PASD1: variants seen among roughly 807,000 people sequenced by gnomAD.
The protein encoded by PASD1 is PAS domain containing repressor 1.
PASD1 carries 13 observed loss-of-function variants against 58.8 expected under a neutral mutation model. That is an observed-to-expected ratio of 0.22 (90% CI 0.14 to 0.35). PASD1 has a LOEUF of 0.35. Among genes scored for constraint, PASD1 ranks in the 10% least tolerant of loss-of-function variants. PASD1 has a pLI of 1.00. For missense variants in PASD1, 734 were observed against 568.3 expected (o/e 1.29, Z -2.96); for synonymous variants, 236 against 216.7 (o/e 1.09, Z -0.78).
chrX:151,569,680 G>A lies in PASD1; in HGVS notation c.-28+5841G>A, dbSNP rs770579797. On this transcript the variant is annotated intron_variant, in intron 1 of 15. Transcript: ENST00000370357. ...AGCTGGCAGCCAGGGCATTTGCAGAGCTTCACGTTAATGGGCAAGTGTCTT... is the reference window on the plus strand; with the variant it reads ...AGCTGGCAGCCAGGGCATTTGCAGAACTTCACGTTAATGGGCAAGTGTCTT... Among the ~76,000 whole-genome samples, 5 of 111,293 alleles carry A rather than the reference G, an allele frequency of 4.5e-5. No individual in the cohort carries two copies. The South Asian group carries it at 1.9e-3, about 43-fold the overall frequency.
At chrX:151,640,387 C>A (rs2013982568) in intron 8 of PASD1, among the ~76,000 whole-genome samples, 1 of 111,370 alleles carries the variant, frequency 9.0e-6, no homozygotes. Flanking sequence ...ATAATGGATC[C>A]AAATATGAAA....
chrX:151,587,061 A>G (rs979468861), intron 1 of PASD1, among the ~76,000 whole-genome samples: 1 of 111,802 alleles, frequency 8.9e-6, no homozygotes, highest in African/African-American at 3.3e-5. Flanking sequence ...AGAAACTTGA[A>G]ATATTCTGCC....
intron 11 of PASD1, among the ~76,000 whole-genome samples, chrX:151,668,935 A>G (rs1474362451): frequency 1.0e-5 from 1 of 99,808 alleles, no homozygotes; most frequent in African/African-American, 3.7e-5. Flanking sequence ...TTTTTCAGAG[A>G]TGGGGTTTTT....
At chrX:151,621,634 T>C in intron 6 of PASD1, 42 bp downstream of exon 6, 1 of 914,538 alleles carries the variant, frequency 1.1e-6, no homozygotes, top group Non-Finnish European at 1.5e-6. Context: ...CATTTATGAG[T>C]CATGTAGCCT....
chrX:151,662,572 T>C (rs971729234), intron 10 of PASD1, among the ~76,000 whole-genome samples: 1 of 111,393 alleles, frequency 9.0e-6, no homozygotes. Flanking sequence ...TGTCTATTCA[T>C]ACTAACCCAT....
intron 10 of PASD1, among the ~76,000 whole-genome samples, chrX:151,662,009 T>C (rs1161628456): frequency 2.7e-5 from 3 of 112,531 alleles, no homozygotes; most frequent in African/African-American, 9.7e-5. Context: ...TTTGTACTTA[T>C]CAAATATTTG....
intron 1 of PASD1, among the ~76,000 whole-genome samples, chrX:151,596,469 G>C (rs1310751965): frequency 8.9e-6 from 1 of 112,229 alleles, no homozygotes; most frequent in Non-Finnish European, 1.9e-5. Context: ...TTCTCACTAG[G>C]CTCCACCTTC....
intron 10 of PASD1, 93 bp downstream of exon 10, chrX:151,659,929 A>G (rs941576432): frequency 7.2e-6 from 6 of 837,805 alleles, no homozygotes; most frequent in South Asian, 4.6e-5. Context: ...ATAATGCTCT[A>G]TAATACTGTG....
intron 9 of PASD1, among the ~76,000 whole-genome samples, chrX:151,651,981 C>G (rs886215831): frequency 8.9e-6 from 1 of 111,847 alleles, no homozygotes; most frequent in Non-Finnish European, 1.9e-5. Flanking sequence ...GCATGGTTTC[C>G]CTTTTGTTCT....
Position 151,676,125 on chromosome X carries a change from C to G in PASD1, c.2304C>G (p.Asp768Glu), listed in dbSNP as rs746735401. ...GATTGATGCCTGCAGAGCAACGTGA[C>G]TCAAATAAGCCGTGCTAACAGTACT... The part of the protein sequence containing the change: ...QTRLMPAEQR[D>E]SNKPC Residue 768 changes from aspartate (D) to glutamate (E), a missense_variant, in exon 16 of 16, where the codon GAC (aspartate) becomes GAG (glutamate). Coordinates refer to ENST00000370357, the MANE Select transcript of PASD1 (RefSeq NM_173493.3). The G allele has an allele frequency of 1.7e-6, 2 of 1,206,479 alleles. No homozygotes were observed. The highest frequency in any genetic ancestry group is 2.2e-6 in the Non-Finnish European group (2 of 894,079).
intron 9 of PASD1, among the ~76,000 whole-genome samples, chrX:151,653,068 TAGG>T (rs1293907591): frequency 1.8e-5 from 2 of 110,248 alleles, no homozygotes; most frequent in Non-Finnish European, 3.8e-5. Context: ...GGAGTCCAGT[TAGG>T]AGGCTATCCC....
At chrX:151,664,394 G>A in intron 11 of PASD1, 46 bp downstream of exon 11, 1 of 1,192,426 alleles carries the variant, frequency 8.4e-7, no homozygotes, top group Non-Finnish European at 1.1e-6. Context: ...TGTCTGGATA[G>A]CTAACCTTGC....
At chrX:151,640,232 G>T (rs2013981103) in intron 8 of PASD1, among the ~76,000 whole-genome samples, 1 of 111,820 alleles carries the variant, frequency 8.9e-6, no homozygotes, top group South Asian at 3.8e-4. Context: ...GTATTAAAAA[G>T]AAGTTGGTCC....
rs1329836892 is a variant in PASD1 at position 151,635,138 on chromosome X, C to G, written c.629+9608C>G. ...GGAGCCTCTTCCAGCTGACTCATCTCTTTTTAATGTGCCCTGTCATTCTTT... is the reference window on the plus strand; with the variant it reads ...GGAGCCTCTTCCAGCTGACTCATCTGTTTTTAATGTGCCCTGTCATTCTTT... On this transcript the variant is annotated intron_variant, in intron 8 of 15. Coordinates refer to ENST00000370357, the MANE Select transcript of PASD1 (RefSeq NM_173493.3). Among the ~76,000 whole-genome samples the G allele has an allele frequency of 2.7e-5, 3 of 111,602 alleles. No individual in the cohort carries two copies. The Admixed American group carries it at 2.9e-4, about 11-fold the overall frequency.
intron 15 of PASD1, among the ~76,000 whole-genome samples, 163 bp from the exon 16 acceptor site, chrX:151,675,834 A>C (rs1232099320): frequency 5.3e-5 from 6 of 112,372 alleles, no homozygotes; most frequent in African/African-American, 1.9e-4. Flanking sequence ...GAGGAACCTT[A>C]TCTTCTGTAG....
chrX:151,595,029 T>C (rs913310872), intron 1 of PASD1, among the ~76,000 whole-genome samples: 5 of 112,215 alleles, frequency 4.5e-5, no homozygotes, highest in African/African-American at 1.6e-4. Context: ...TTTCCTCCTG[T>C]ATTAAATGTA....
At chrX:151,631,010 A>G (rs1602943426) in intron 8 of PASD1, among the ~76,000 whole-genome samples, 1 of 111,909 alleles carries the variant, frequency 8.9e-6, no homozygotes. Flanking sequence ...AAAAGTGAAT[A>G]CTGAGTAGCC....
intron 3 of PASD1, among the ~76,000 whole-genome samples, chrX:151,605,228 T>C (rs1405480128): frequency 1.8e-5 from 2 of 112,156 alleles, no homozygotes; most frequent in East Asian, 5.6e-4. Context: ...CCTTTGTCCC[T>C]TACTTGCTGT....
In PASD1 at chrX:151,672,233, GCGGGAGCAGCTGCAA is replaced by G. The variant is rs2014483429; in HGVS notation, c.1490_1504del (p.Arg497_Gln501del). ...ACCTGAAGGAGCAGCAGCGGCAGCTGCGGGAGCAGCTGCAACAGCTGAGAGAGCAAAGGAAGGTGC... is the reference window on the plus strand; with the variant it reads ...ACCTGAAGGAGCAGCAGCGGCAGCTGCAGCTGAGAGAGCAAAGGAAGGTGC... On this transcript the variant is annotated inframe_deletion, in exon 14 of 16. Coordinates refer to ENST00000370357, the MANE Select transcript of PASD1 (RefSeq NM_173493.3). 4.4e-6 allele frequency: 5 copies of G among 1,139,839 alleles called. No individual in the cohort carries two copies. The highest frequency in any genetic ancestry group is 4.7e-6 in the Non-Finnish European group (4 of 851,338). 93.9% of individuals were successfully genotyped at this position (1,139,839 alleles called of 1,213,427 possible).
Sources: gnomAD v4.1 joint callset for allele counts (sites outside exome capture counted in the v4.1 genomes callset) on GRCh38, gnomAD v4.1.1 for gene constraint, MANE v1.5 for transcripts, NCBI Gene and HGNC (gene_info 2026-07-23, HGNC 2026-07-21) for gene names.